The following COL5A1 variants were observed in gnomAD, a reference collection of about 807,000 sequenced individuals.
The protein encoded by COL5A1 is collagen alpha-1(V) chain.
A neutral mutation model predicts 263.7 loss-of-function variants in COL5A1; 16 were observed. That is an observed-to-expected ratio of 0.06 (90% CI 0.04 to 0.09). The LOEUF is 0.09. Ranked by LOEUF, COL5A1 falls within the 10% of genes least tolerant of loss-of-function variation. The pLI, the probability that COL5A1 is intolerant of heterozygous loss-of-function variation, is 1.00. For missense variants in COL5A1, 2,036 were observed against 2,540.5 expected, an observed-to-expected ratio of 0.80 and a Z score of 4.27; for synonymous variants, 1,012 against 1,004.5, an observed-to-expected ratio of 1.01 and a Z score of -0.14.
chr9:134,649,244 C>T, intron 1 of COL5A1: 1 of 321,238 alleles, frequency 3.1e-6, no homozygotes, highest in Non-Finnish European at 6.0e-6. Context: ...GTCAGATAGT[C>T]CGAGCCGTCA....
intron 18 of COL5A1, among the ~76,000 whole-genome samples, chr9:134,760,954 C>T (rs1324453774): frequency 6.7e-6 from 1 of 150,094 alleles, no homozygotes; most frequent in African/African-American, 2.5e-5. Context: ...TACACACCCG[C>T]CACACACATA....
intron 1 of COL5A1, among the ~76,000 whole-genome samples, chr9:134,646,219 C>T (rs1196491077): frequency 6.6e-6 from 1 of 152,184 alleles, no homozygotes; most frequent in Non-Finnish European, 1.5e-5. Context: ...TCCAGGAGCT[C>T]ACAGTCTGAC....
intron 63 of COL5A1, among the ~76,000 whole-genome samples, chr9:134,826,871 ATGTGGGTGCATGTGGCTGGCATGTG>A (rs1839300685): frequency 6.8e-6 from 1 of 147,888 alleles, no homozygotes; most frequent in African/African-American, 2.5e-5. Context: ...TGGCTGGTGT[ATGTGGGTGCATGTGGCTGGCATGTG>A]CATGCATGTA....
Position 134,750,531 on chromosome 9 carries a change from C to T in COL5A1, c.1495-11C>T. On this transcript the variant is annotated splice_polypyrimidine_tract_variant and intron_variant, in intron 11 of 65. Transcript: ENST00000371817. Reference sequence around the variant, plus strand: ...CACTCTGACTTGTCTCTCTTGGCCCCTTGTCTTCAGGGCCCCCCTGGACGC... The same window carrying T: ...CACTCTGACTTGTCTCTCTTGGCCCTTTGTCTTCAGGGCCCCCCTGGACGC... The T allele has an allele frequency of 6.2e-7, 1 of 1,613,486 alleles. No individual in the cohort carries two copies. Among genetic ancestry groups the T allele is most frequent in the East Asian group, 2.2e-5 (1 of 44,874 alleles).
At chr9:134,736,970 G>A (rs1213679733) in intron 9 of COL5A1, among the ~76,000 whole-genome samples, 1 of 152,224 alleles carries the variant, frequency 6.6e-6, no homozygotes, top group African/African-American at 2.4e-5. Context: ...AGGGCCTCAG[G>A]CAGCACTGCT....
chr9:134,674,248 C>G (rs1832626128), intron 1 of COL5A1, among the ~76,000 whole-genome samples: 1 of 152,160 alleles, frequency 6.6e-6, no homozygotes, highest in Non-Finnish European at 1.5e-5. Context: ...GCAATAGCCT[C>G]AAGCAGGGAG....
chr9:134,760,640 C>T (rs1401878910), intron 18 of COL5A1, among the ~76,000 whole-genome samples: 3 of 119,018 alleles, frequency 2.5e-5, no homozygotes, highest in South Asian at 2.8e-4. Flanking sequence ...CCCCCACACT[C>T]ATACACTCAT....
chr9:134,693,015 G>A (rs1333327770), intron 2 of COL5A1, among the ~76,000 whole-genome samples: 14 of 152,304 alleles, frequency 9.2e-5, no homozygotes, highest in African/African-American at 3.4e-4. Flanking sequence ...GGAGGTTGCA[G>A]TGAGCTGAGA....
rs771925785 is a variant in COL5A1, at chr9:134,700,089, C to T, written c.458C>T (p.Pro153Leu). 1.9e-6 allele frequency: 3 copies of T among 1,609,850 alleles called. No homozygotes were observed. The highest frequency in any genetic ancestry group is 2.5e-6 in the Non-Finnish European group (3 of 1,179,994). ...HTGKPGPEDY[P>L]LFRGINLSDG... The stretch of plus-strand genomic sequence containing the variant: ...GGGAAGCCTGGCCCGGAAGACTACC[C>T]CCTCTTCCGGGGCATCAACCTGTCA... Residue 153 changes from proline (P) to leucine (L), a missense_variant, in exon 3 of 66, where the codon CCC becomes CTC. Around this residue, in one of 3 missense-constraint regions of COL5A1, gnomAD observed 600 missense variants for 634.5 expected, o/e 0.95. Transcript: ENST00000371817. The surrounding 1 kb of genome is among the most constrained non-coding windows in gnomAD (Gnocchi z 4.0).
intron 1 of COL5A1, among the ~76,000 whole-genome samples, chr9:134,671,131 G>A (rs1832528379): frequency 6.6e-6 from 1 of 152,198 alleles, no homozygotes; most frequent in South Asian, 2.1e-4. Context: ...GCTCCATGTG[G>A]CCCCACACAC....
intron 36 of COL5A1, among the ~76,000 whole-genome samples, chr9:134,797,664 G>T (rs1276041646): frequency 6.6e-6 from 1 of 152,134 alleles, no homozygotes; most frequent in African/African-American, 2.4e-5. Context: ...TGTATTTTTA[G>T]TAGAGATGGG....
rs4381017 is a variant in COL5A1, at chr9:134,702,926, T to C, written c.654+1593T>C. 7.5e-3 allele frequency among the ~76,000 whole-genome samples: 1,147 copies of C among 152,330 alleles called. 16 individuals carry two copies. Among genetic ancestry groups the C allele is most frequent in the African/African-American group, 0.026 (1,060 of 41,566 alleles). On this transcript the variant is annotated intron_variant, in intron 4 of 65. Coordinates refer to ENST00000371817, the MANE Select transcript of COL5A1 (RefSeq NM_000093.5). The stretch of plus-strand genomic sequence containing the variant: ...AATGCAGTGACACAGCAGCGCACTG[T>C]CTCCCTTATAGGAAGCCCCGGCTTA...
Position 134,825,921 on chromosome 9 carries a change from C to T in COL5A1, c.5067+17C>T. The T allele has an allele frequency of 6.4e-7, 1 of 1,557,972 alleles. No homozygotes were observed. The highest frequency in any genetic ancestry group is 1.1e-5 in the South Asian group (1 of 89,724). ...TCCGAAGGGGTGAGTAGCTGTGTCC[C>T]TCCATGGCCCCAGCGGGGCAGGCGT... On this transcript the variant is annotated intron_variant, in intron 63 of 65. Transcript: ENST00000371817.
intron 1 of COL5A1, among the ~76,000 whole-genome samples, chr9:134,645,721 G>A (rs1564361930): frequency 6.6e-6 from 1 of 152,206 alleles, no homozygotes; most frequent in Non-Finnish European, 1.5e-5. Context: ...CTGCTGTGGG[G>A]CCCTAAGCCA....
chr9:134,756,572 G>T (rs1261817831), intron 16 of COL5A1, among the ~76,000 whole-genome samples, 193 bp from the exon 17 acceptor site: 1 of 152,240 alleles, frequency 6.6e-6, no homozygotes, highest in Non-Finnish European at 1.5e-5. Context: ...ATCCGTTGGT[G>T]TGAGGCACAG....
rs1462301136 is a variant in COL5A1 at position 134,686,716 on chromosome 9, G to A, written c.110-4196G>A. Among the ~76,000 whole-genome samples the A allele has an allele frequency of 6.6e-6, 1 of 152,156 alleles. No homozygotes were observed. Among genetic ancestry groups the A allele is most frequent in the Non-Finnish European group, 1.5e-5 (1 of 68,026 alleles). On this transcript the variant is annotated intron_variant, in intron 1 of 65. Transcript: ENST00000371817. This position sits in a 1 kb window ranked among gnomAD's most constrained non-coding sequence, Gnocchi z 4.6. ...ACTTGTAACAGTGCAGGGGATGCAGGGGCCAACTTCTCTAACTCTGATCAA... is the reference window on the plus strand; with the variant it reads ...ACTTGTAACAGTGCAGGGGATGCAGAGGCCAACTTCTCTAACTCTGATCAA...
At chr9:134,644,100 G>C (rs1319337435) in intron 1 of COL5A1, among the ~76,000 whole-genome samples, 1 of 152,124 alleles carries the variant, frequency 6.6e-6, no homozygotes, top group East Asian at 1.9e-4. Flanking sequence ...TTCTTAGTGA[G>C]TTTTGCCAAC....
At chr9:134,656,015 G>A (rs976321703) in intron 1 of COL5A1, among the ~76,000 whole-genome samples, 5 of 152,194 alleles carry the variant, frequency 3.3e-5, no homozygotes, top group Non-Finnish European at 5.9e-5. Flanking sequence ...AAGCAAAGGA[G>A]GGTGGGCAGG....
chr9:134,728,736 G>A lies in COL5A1; in HGVS notation c.853G>A (p.Asp285Asn), dbSNP rs1300470514. The A allele has an allele frequency of 5.0e-6, 8 of 1,614,230 alleles. No homozygotes were observed. The South Asian group carries it at 8.8e-5, about 18-fold the overall frequency. Residue 285 changes from aspartate (D) to asparagine (N), a missense_variant, in exon 6 of 66, where the codon GAC (aspartate) becomes AAC (asparagine). Coordinates refer to ENST00000371817, the MANE Select transcript of COL5A1 (RefSeq NM_000093.5). ...ATACCCCTACTACGAAGACCCCGAA[G>A]ACCTAGGGAAGGAGCCCACCCCCAG... is the stretch of plus-strand genomic sequence containing the variant. Reference protein sequence around the residue: ...YEYPYYEDPEDLGKEPTPSKK... With the variant: ...YEYPYYEDPENLGKEPTPSKK...
Sources: gnomAD v4.1 joint callset for allele counts (sites outside exome capture counted in the v4.1 genomes callset) on GRCh38, gnomAD v4.1.1 for gene constraint, gnomAD v4.1.1 regional missense constraint, Gnocchi (gnomAD v3.1) non-coding constraint, MANE v1.5 for transcripts, NCBI Gene and HGNC (gene_info 2026-07-23, HGNC 2026-07-21) for gene names.